MYO7A: variants seen among roughly 807,000 people sequenced by gnomAD.
MYO7A encodes the protein unconventional myosin-VIIa.
A neutral mutation model predicts 263.8 loss-of-function variants in MYO7A; 210 were observed. That is an observed-to-expected ratio of 0.80 (90% confidence interval 0.71 to 0.89). The LOEUF is 0.89. Among genes scored for constraint, MYO7A ranks in the 40% least tolerant of loss-of-function variants. MYO7A has a pLI of 0.00. For missense variants in MYO7A, 2,820 were observed against 2,968.3 expected, an observed-to-expected ratio of 0.95 and a Z score of 1.16; for synonymous variants, 1,239 against 1,197.3, an observed-to-expected ratio of 1.03 and a Z score of -0.72.
chr11:77,154,907 G>A (rs548008223), intron 4 of MYO7A, among the ~76,000 whole-genome samples: 212 of 152,162 alleles, frequency 1.4e-3, no homozygotes, highest in Middle Eastern at 3.4e-3. Flanking sequence ...CTCTCCCTGC[G>A]TGGCCACAGT....
intron 24 of MYO7A, 54 bp downstream of exon 24, chr11:77,182,208 T>C (rs1955289123): frequency 1.3e-5 from 20 of 1,595,892 alleles, no homozygotes; most frequent in Non-Finnish European, 1.5e-5. Context: ...GCTGGGGCTA[T>C]GGACTCTGCT....
chr11:77,163,103 CAT>C (rs55700684), intron 14 of MYO7A, 115 bp downstream of exon 14: 9,074 of 870,582 alleles, frequency 0.01, no homozygotes, highest in South Asian at 0.014. Flanking sequence ...TGTGATTATT[CAT>C]ATATATATAT....
rs147593209 is a variant in MYO7A at position 77,174,239 on chromosome 11, A to G, written c.1936-517A>G. Among the ~76,000 whole-genome samples, 402 of 152,256 alleles carry G rather than the reference A, an allele frequency of 2.6e-3. 5 individuals are homozygous for G. Among genetic ancestry groups the G allele is most frequent in the African/African-American group, 9.1e-3 (380 of 41,564 alleles). ...CTTTGAAAAATGTGCCTCTTCCTTA[A>G]GGCAGCTAGAAAGTTGTCTGAATAA... On this transcript the variant is annotated intron_variant, in intron 16 of 48. Coordinates refer to ENST00000409709, the MANE Select transcript of MYO7A (RefSeq NM_000260.4).
chr11:77,203,954 G>A (rs1957254518), intron 38 of MYO7A, 122 bp from the exon 39 acceptor site: 1 of 1,117,960 alleles, frequency 8.9e-7, no homozygotes, highest in Non-Finnish European at 1.3e-6. Flanking sequence ...TTTTGTGAGT[G>A]TGCAGCCTGA....
chr11:77,157,303 G>A lies in MYO7A; in HGVS notation c.760G>A (p.Val254Met), dbSNP rs782158455. The change falls in exon 8 of 49, where the codon GTG (valine) becomes ATG (methionine). Residue 254 changes from valine to methionine, a missense_variant. Physicochemically the swap from Val to Met is conservative, Grantham distance 21. Transcript: ENST00000409709. ...RQALDERNYH[V>M]FYCMLEGMSE... ...GGCCCTGGATGAAAGGAACTACCAC[G>A]TGTTCTACTGCATGCTGGAGGGTAT... 4.3e-6 allele frequency: 7 copies of A among 1,611,584 alleles called. No homozygotes were observed. Among genetic ancestry groups the A allele is most frequent in the East Asian group, 2.2e-5 (1 of 44,844 alleles).
intron 23 of MYO7A, 102 bp downstream of exon 23, chr11:77,181,691 G>A: frequency 1.8e-6 from 2 of 1,135,218 alleles, no homozygotes; most frequent in Non-Finnish European, 2.5e-6. Flanking sequence ...CAGTCCCTCT[G>A]AACAGTGGGG....
intron 14 of MYO7A, 81 bp from the exon 15 acceptor site, chr11:77,165,975 G>T: frequency 1.0e-6 from 1 of 991,224 alleles, no homozygotes; most frequent in South Asian, 1.4e-5. Flanking sequence ...GGATTTTGAG[G>T]GTCCTCCTGG....
rs782049232 is a variant in MYO7A at position 77,184,725 on chromosome 11, G to T, written c.3503+10G>T. 1.9e-6 allele frequency: 3 copies of T among 1,595,822 alleles called. No homozygotes were observed. On this transcript the variant is annotated intron_variant, in intron 27 of 48. Coordinates refer to ENST00000409709, the MANE Select transcript of MYO7A (RefSeq NM_000260.4). ...TGCGGCCAGCACTCCGGTCAGTGCC[G>T]GGAGGCGGGGACACCAGGGCCTGAA...
At chr11:77,212,408 T>C (rs1490088341) in intron 46 of MYO7A, 1 of 355,324 alleles carries the variant, frequency 2.8e-6, no homozygotes, top group African/African-American at 2.2e-5. Context: ...GAGGCGAGAG[T>C]GGGCTGTGGA....
rs782640603 is a variant in MYO7A, at chr11:77,179,166, C to G, written c.2367+37C>G. 1.9e-6 allele frequency: 3 copies of G among 1,541,150 alleles called. No homozygotes were observed. In the East Asian group the frequency reaches 7.1e-5, roughly 37 times the overall value. On this transcript the variant is annotated intron_variant, in intron 20 of 48. Transcript: ENST00000409709. ...CATGGGCTGCTCTTGCCCAAACAGG[C>G]CTTTGAACCCAGCCTTGCTGCCATG...
In MYO7A at chr11:77,214,939, G is replaced by T. The variant is rs1043504284; in HGVS notation, c.*243G>T. ...TGGGTTGGTCTAATCCTAGTTTGCT[G>T]TGGCCTTCCCGGTTGTGAGAGCCTG... On this transcript the variant is annotated 3_prime_UTR_variant, in exon 49 of 49. Coordinates refer to ENST00000409709, the MANE Select transcript of MYO7A (RefSeq NM_000260.4). The T allele has an allele frequency of 2.0e-6, 1 of 497,132 alleles. No individual in the cohort carries two copies. The highest frequency in any genetic ancestry group is 1.9e-5 in the African/African-American group (1 of 51,996). The allele number at this position is 497,132 out of a possible 1,614,324, so 30.8% of individuals were successfully genotyped here. A position where few individuals can be genotyped will look rare whatever the true frequency, so the allele number is the denominator to read the frequency against.
At chr11:77,132,550 A>C (rs1950797095) in intron 2 of MYO7A, among the ~76,000 whole-genome samples, 1 of 152,114 alleles carries the variant, frequency 6.6e-6, no homozygotes, top group African/African-American at 2.4e-5. Flanking sequence ...GTGCTATGGC[A>C]TGATTTTGGC....
chr11:77,193,099 TAGTGATGC>T (rs1956307005), intron 31 of MYO7A, among the ~76,000 whole-genome samples: 1 of 100,478 alleles, frequency 1.0e-5, no homozygotes, highest in Non-Finnish European at 2.1e-5. Flanking sequence ...ATGGTGGAGG[TAGTGATGC>T]TGTTGGTGAT....
Position 77,155,919 on chromosome 11 carries a change from T to A in MYO7A, c.298T>A (p.Ser100Thr). The A allele has an allele frequency of 6.2e-7, 1 of 1,605,044 alleles. No homozygotes were observed. The highest frequency in any genetic ancestry group is 8.5e-7 in the Non-Finnish European group (1 of 1,174,768). ...RDHLIYTYTG[S>T]ILVAVNPYQL... ...TTGCTGCCCGCAGACGTATACGGGC[T>A]CCATCCTGGTGGCTGTGAACCCCTA... The change falls in exon 5 of 49, where the codon TCC becomes ACC. Residue 100 changes from serine (S) to threonine (T), a missense_variant. By Grantham distance (58) the Ser-to-Thr change is moderately conservative (BLOSUM62 1). Transcript: ENST00000409709.
chr11:77,159,195 C>T (rs527757452), intron 9 of MYO7A, among the ~76,000 whole-genome samples: 2 of 152,352 alleles, frequency 1.3e-5, no homozygotes, highest in Admixed American at 6.5e-5. Context: ...GTGTCTATTC[C>T]TCGAATGCCA....
In MYO7A at chr11:77,204,187, C is replaced by T. The variant is rs1957280640; in HGVS notation, c.5438C>T (p.Ala1813Val). The part of the protein sequence containing the change: ...PLKAEPLKDE[A>V]YVQILKQLTD... Reference sequence around the variant, plus strand: ...AAAGCCGAGCCCCTGAAGGACGAGGCATATGTGCAGATCCTGAAGCAGCTG... The same window carrying T: ...AAAGCCGAGCCCCTGAAGGACGAGGTATATGTGCAGATCCTGAAGCAGCTG... The change falls in exon 39 of 49, where the codon GCA becomes GTA. Residue 1813 changes from alanine (A) to valine (V), a missense_variant. By Grantham distance (64) the Ala-to-Val change is moderately conservative. Transcript: ENST00000409709. 1 of 1,585,052 alleles carries T rather than the reference C, an allele frequency of 6.3e-7. No homozygotes were observed. The highest frequency in any genetic ancestry group is 1.8e-5 in the Admixed American group (1 of 55,908).
At chr11:77,181,877 T>C in intron 23 of MYO7A, 74 bp from the exon 24 acceptor site, 1 of 1,407,986 alleles carries the variant, frequency 7.1e-7, no homozygotes, top group Non-Finnish European at 9.9e-7. Flanking sequence ...CTTGAACTTC[T>C]GGGCTCAGGC....
chr11:77,212,475 T>A, intron 46 of MYO7A: 1 of 349,750 alleles, frequency 2.9e-6, no homozygotes. Flanking sequence ...GTGGCCTGCC[T>A]TGGAGGGTTT....
intron 9 of MYO7A, among the ~76,000 whole-genome samples, chr11:77,158,741 G>C (rs1952721702): frequency 6.6e-6 from 1 of 152,222 alleles, no homozygotes; most frequent in Non-Finnish European, 1.5e-5. Context: ...GTCTTAGAGA[G>C]AGGGTAAATC....
Sources: gnomAD v4.1 joint callset for allele counts (sites outside exome capture counted in the v4.1 genomes callset) on GRCh38, gnomAD v4.1.1 for gene constraint, MANE v1.5 for transcripts, NCBI Gene and HGNC (gene_info 2026-07-23, HGNC 2026-07-21) for gene names.